CEP85L: variants seen among roughly 807,000 people sequenced by gnomAD.
CEP85L encodes centrosomal protein 85L, also known as centrosomal protein of 85 kDa-like.
In CEP85L, 60 loss-of-function variants were observed where a neutral mutation model predicts 100.3. The ratio of observed to expected loss-of-function variants is 0.60; its 90% CI spans 0.49 to 0.74. CEP85L has a LOEUF of 0.74. Among genes scored for constraint, CEP85L ranks in the 30% least tolerant of loss-of-function variants. The pLI is 0.00. For missense variants in CEP85L, 973 were observed against 936.2 expected, an observed-to-expected ratio of 1.04 and a Z score of -0.51; for synonymous variants, 319 against 322.7, an observed-to-expected ratio of 0.99 and a Z score of 0.12.
chr6:118,475,706 T>C (rs1773318912), intron 10 of CEP85L, among the ~76,000 whole-genome samples: 1 of 151,958 alleles, frequency 6.6e-6, no homozygotes, highest in Non-Finnish European at 1.5e-5. Flanking sequence ...TTCTAACTTC[T>C]GGAAAAAATG....
intron 5 of CEP85L, among the ~76,000 whole-genome samples, chr6:118,510,874 T>C (rs1389954186): frequency 2.6e-5 from 4 of 152,104 alleles, no homozygotes; most frequent in Non-Finnish European, 5.9e-5. Context: ...GAAGATCGTG[T>C]AACTGCAAAA....
intron 1 of CEP85L, among the ~76,000 whole-genome samples, chr6:118,685,316 C>T (rs1776795616): frequency 6.6e-6 from 1 of 150,872 alleles, no homozygotes; most frequent in African/African-American, 2.5e-5. Flanking sequence ...TAATGACAGC[C>T]TCCAGTTAAT....
chr6:118,565,463 T>TA, intron 3 of CEP85L, 66 bp downstream of exon 3: 6 of 1,415,844 alleles, frequency 4.2e-6, no homozygotes, highest in Non-Finnish European at 5.9e-6. Flanking sequence ...ATATGCTTAC[T>TA]GTAAGTGTGC....
chr6:118,492,797 C>A (rs761620498), intron 5 of CEP85L, among the ~76,000 whole-genome samples: 1 of 152,080 alleles, frequency 6.6e-6, no homozygotes, highest in Non-Finnish European at 1.5e-5. Flanking sequence ...CAAAAAAAGA[C>A]AATGAAACTA....
intron 3 of CEP85L, among the ~76,000 whole-genome samples, chr6:118,545,996 C>CA (rs1322647796): frequency 6.6e-6 from 1 of 151,740 alleles, no homozygotes; most frequent in African/African-American, 2.4e-5. Context: ...CAAAGCACCT[C>CA]AAAAAAATTT....
chr6:118,529,253 T>C (rs1777145149), intron 3 of CEP85L, among the ~76,000 whole-genome samples: 1 of 152,208 alleles, frequency 6.6e-6, no homozygotes, highest in Non-Finnish European at 1.5e-5. Flanking sequence ...CAAAATTATC[T>C]TCTCTTACAC....
chr6:118,533,709 T>C (rs1429150253), intron 3 of CEP85L, among the ~76,000 whole-genome samples: 1 of 152,100 alleles, frequency 6.6e-6, no homozygotes, highest in East Asian at 1.9e-4. Context: ...TTTAACAAAA[T>C]CAAACCAAAT....
chr6:118,570,729 T>A (rs1210372877), intron 2 of CEP85L, among the ~76,000 whole-genome samples: 1 of 152,186 alleles, frequency 6.6e-6, no homozygotes, highest in Non-Finnish European at 1.5e-5. Flanking sequence ...ATTTTGCTGC[T>A]TCATTTACTA....
chr6:118,615,433 A>C (rs1297575244), intron 2 of CEP85L, among the ~76,000 whole-genome samples: 3 of 78,150 alleles, frequency 3.8e-5, no homozygotes, highest in Non-Finnish European at 9.1e-5. Flanking sequence ...CCAAAAAGTA[A>C]ATGGGAAAAA....
chr6:118,689,035 C>T (rs190592838), intron 1 of CEP85L, among the ~76,000 whole-genome samples: 70 of 152,274 alleles, frequency 4.6e-4, no homozygotes, highest in Non-Finnish European at 8.1e-4. Context: ...AGAACTGATG[C>T]GCTCTTCCCT....
At chr6:118,491,292 T>A (rs1234214965) in intron 6 of CEP85L, 1 of 206,946 alleles carries the variant, frequency 4.8e-6, no homozygotes, top group Non-Finnish European at 8.9e-6. Context: ...TAGCTTCTTA[T>A]TCTGAATCAG....
intron 3 of CEP85L, chr6:118,538,047 T>G (rs78398083): frequency 0.029 from 15,279 of 526,790 alleles, 260 homozygotes; most frequent in Non-Finnish European, 0.033. Context: ...AAGGAAAATA[T>G]GAATTATGTT....
At chr6:118,541,492 CA>C (rs758873110) in intron 3 of CEP85L, among the ~76,000 whole-genome samples, 4 of 152,162 alleles carry the variant, frequency 2.6e-5, no homozygotes, top group Non-Finnish European at 5.9e-5. Flanking sequence ...ATGAATTCCA[CA>C]TATCAAAATC....
At chr6:118,614,865 CAGAT>C (rs57663206) in intron 2 of CEP85L, among the ~76,000 whole-genome samples, 7,057 of 149,796 alleles carry the variant, frequency 0.047, 282 homozygotes, top group African/African-American at 0.11. Flanking sequence ...GACAGACAGA[CAGAT>C]AGATAGATAG....
chr6:118,700,125 C>G (rs1470866193), intron 1 of CEP85L, among the ~76,000 whole-genome samples: 3 of 152,172 alleles, frequency 2.0e-5, no homozygotes, highest in Non-Finnish European at 4.4e-5. Flanking sequence ...TCTTTTTACC[C>G]CAGCACATGA....
chr6:118,538,395 T>C (rs1317291738), intron 3 of CEP85L, among the ~76,000 whole-genome samples: 2 of 151,862 alleles, frequency 1.3e-5, no homozygotes, highest in East Asian at 1.9e-4. Context: ...AAGAAACTGA[T>C]GATATAAATA....
intron 2 of CEP85L, among the ~76,000 whole-genome samples, chr6:118,575,642 T>C (rs1780179777): frequency 1.3e-5 from 2 of 152,296 alleles, no homozygotes; most frequent in Middle Eastern, 3.4e-3. Flanking sequence ...TATTACCAGA[T>C]GGAAGGGAAA....
intron 1 of CEP85L, among the ~76,000 whole-genome samples, chr6:118,698,177 C>G (rs1777277630): frequency 6.6e-6 from 1 of 152,162 alleles, no homozygotes; most frequent in Non-Finnish European, 1.5e-5. Context: ...ATCCAGAGAC[C>G]ACCATCCCAC....
At chr6:118,465,593 A>C (rs186127013) in intron 12 of CEP85L, 25 bp from the exon 13 acceptor site, 2 of 1,600,636 alleles carry the variant, frequency 1.2e-6, no homozygotes. Flanking sequence ...CATAGAGAGA[A>C]TATCTCACAT....
Sources: allele counts gnomAD v4.1 joint callset (sites outside exome capture counted in the v4.1 genomes callset), GRCh38; gene constraint gnomAD v4.1.1; transcripts MANE v1.5; gene names NCBI Gene and HGNC (gene_info 2026-07-23, HGNC 2026-07-21).